The following PANK1 variants were observed in gnomAD, a reference collection of about 807,000 sequenced individuals.
PANK1 encodes the protein pantothenic acid kinase 1.
A neutral mutation model predicts 40.1 loss-of-function variants in PANK1; 18 were observed. The observed-to-expected ratio is 0.45, with a 90% confidence interval of 0.31 to 0.67. PANK1 has a LOEUF of 0.67. Among genes scored for constraint, PANK1 ranks in the 30% least tolerant of loss-of-function variants. The pLI, the probability that PANK1 is intolerant of heterozygous loss-of-function variation, is 0.06. For missense variants in PANK1, 457 were observed against 599.6 expected, an observed-to-expected ratio of 0.76 and a Z score of 2.48; for synonymous variants, 242 against 237.7, an observed-to-expected ratio of 1.02 and a Z score of -0.17.
chr10:89,632,354 C>G (rs528623279), intron 1 of PANK1, among the ~76,000 whole-genome samples: 2 of 152,252 alleles, frequency 1.3e-5, no homozygotes, highest in South Asian at 4.1e-4. Flanking sequence ...CTAGGACAAA[C>G]TTCAGTCTAC....
At chr10:89,595,873 T>TAAAAAA (rs1554837976) in intron 3 of PANK1, among the ~76,000 whole-genome samples, 6 of 81,500 alleles carry the variant, frequency 7.4e-5, no homozygotes. Flanking sequence ...TATATATATA[T>TAAAAAA]AACTTCATTT....
chr10:89,640,175 C>G (rs1841929906), intron 1 of PANK1, among the ~76,000 whole-genome samples: 1 of 151,818 alleles, frequency 6.6e-6, no homozygotes, highest in South Asian at 2.1e-4. Flanking sequence ...TGTAAAAGCA[C>G]ATACAGAACA....
intron 2 of PANK1, among the ~76,000 whole-genome samples, chr10:89,606,196 G>A (rs1268997653): frequency 4.4e-4 from 67 of 152,056 alleles, no homozygotes; most frequent in Non-Finnish European, 1.0e-4. Flanking sequence ...CATGAGCGTC[G>A]GCTTCAACTT....
intron 1 of PANK1, among the ~76,000 whole-genome samples, chr10:89,639,423 T>A (rs1187673141): frequency 6.6e-6 from 1 of 152,198 alleles, no homozygotes; most frequent in Non-Finnish European, 1.5e-5. Flanking sequence ...ATTCAAACCG[T>A]GGTAAATAGT....
intron 2 of PANK1, among the ~76,000 whole-genome samples, chr10:89,609,106 C>T (rs1246755080): frequency 2.0e-5 from 3 of 152,182 alleles, no homozygotes; most frequent in Non-Finnish European, 2.9e-5. Context: ...ACTCTGTCAC[C>T]CAGGCTGGAG....
At chr10:89,612,655 G>T (rs1845196434) in intron 1 of PANK1, among the ~76,000 whole-genome samples, 1 of 152,190 alleles carries the variant, frequency 6.6e-6, no homozygotes, top group African/African-American at 2.4e-5. Context: ...AGTAGACTAT[G>T]AGAGATGATG....
At chr10:89,633,329 C>T (rs910080547) in intron 1 of PANK1, among the ~76,000 whole-genome samples, 18 of 152,136 alleles carry the variant, frequency 1.2e-4, no homozygotes, top group African/African-American at 4.3e-4. Context: ...AATGGTACCC[C>T]TACCACTCTT....
At chr10:89,638,852 G>A (rs1395477776) in intron 1 of PANK1, among the ~76,000 whole-genome samples, 1 of 152,172 alleles carries the variant, frequency 6.6e-6, no homozygotes, top group Non-Finnish European at 1.5e-5. Flanking sequence ...AGGAGATTTA[G>A]ACTTTTACTA....
intron 1 of PANK1, among the ~76,000 whole-genome samples, chr10:89,619,920 T>C (rs1253491630): frequency 3.9e-5 from 6 of 152,182 alleles, no homozygotes; most frequent in Non-Finnish European, 8.8e-5. Context: ...AGAACATAAA[T>C]TGGGAAGATT....
rs1308925395 is a variant in PANK1 at position 89,611,841 on chromosome 10, T to C, written c.500A>G (p.Lys167Arg). 2 of 1,614,076 alleles carry C rather than the reference T, an allele frequency of 1.2e-6. No homozygotes were observed. Among genetic ancestry groups the C allele is most frequent in the Non-Finnish European group, 1.7e-6 (2 of 1,180,046 alleles). ...ELKNLTMCGRKGNLHFIRFPS... is the reference protein window; with the variant it reads ...ELKNLTMCGRRGNLHFIRFPS... Reference sequence around the variant, plus strand: ...AAAGCGGATGAAGTGCAGGTTCCCTTTGCGTCCACACATGGTCAGGTTTTT... The same window carrying C: ...AAAGCGGATGAAGTGCAGGTTCCCTCTGCGTCCACACATGGTCAGGTTTTT... Residue 167 changes from lysine to arginine, a missense_variant, in exon 2 of 7, where the codon AAA (lysine) becomes AGA (arginine). Transcript: ENST00000307534.
chr10:89,614,542 A>C (rs957550785), intron 1 of PANK1, among the ~76,000 whole-genome samples: 22 of 152,208 alleles, frequency 1.4e-4, no homozygotes, highest in Admixed American at 5.2e-4. Context: ...TCACACCTGT[A>C]ATCCTAGCAC....
chr10:89,611,384 C>T (rs1346502766), intron 2 of PANK1, among the ~76,000 whole-genome samples: 1 of 152,204 alleles, frequency 6.6e-6, no homozygotes, highest in Non-Finnish European at 1.5e-5. Flanking sequence ...AACTGAAATA[C>T]TTCAGAAGGG....
In PANK1 at chr10:89,588,840, C is replaced by T. The variant is rs1053934240; in HGVS notation, c.1201-63G>A. Reference sequence around the variant, plus strand: ...ATAAAAATAGCATTTGGCAAAGACCCAATGTTCTGTATGTCTCTGTACAGA... The same window carrying T: ...ATAAAAATAGCATTTGGCAAAGACCTAATGTTCTGTATGTCTCTGTACAGA... On this transcript the variant is annotated intron_variant, in intron 5 of 6. Transcript: ENST00000307534. 3 of 1,262,788 alleles carry T rather than the reference C, an allele frequency of 2.4e-6. No homozygotes were observed. The East Asian group carries it at 7.3e-5, about 31-fold the overall frequency. 78.2% of individuals were successfully genotyped at this position (1,262,788 alleles called of 1,614,324 possible).
At chr10:89,615,743 ATCTAATGCTCT>A (rs1386240992) in intron 1 of PANK1, among the ~76,000 whole-genome samples, 1 of 152,162 alleles carries the variant, frequency 6.6e-6, no homozygotes, top group Non-Finnish European at 1.5e-5. Flanking sequence ...TCCATGAAAA[ATCTAATGCTCT>A]TCTAGTCACA....
At chr10:89,628,998 GTT>G (rs1455127254) in intron 1 of PANK1, among the ~76,000 whole-genome samples, 1 of 152,174 alleles carries the variant, frequency 6.6e-6, no homozygotes, top group Non-Finnish European at 1.5e-5. Flanking sequence ...TGCTGTCAGT[GTT>G]ACTGCAATAT....
intron 1 of PANK1, among the ~76,000 whole-genome samples, chr10:89,622,304 C>T (rs1438037067): frequency 5.3e-5 from 8 of 152,148 alleles, no homozygotes; most frequent in Non-Finnish European, 1.0e-4. Context: ...TGGGTTCTTT[C>T]AAATTAATGT....
In PANK1 at chr10:89,645,205, C is replaced by G; in HGVS notation, c.-314G>C. ...GCCCGCCTTCCCCTGATCCCCAGGC[C>G]GCGCGACTTCAAACGCGGCTTCCTC... On this transcript the variant is annotated 5_prime_UTR_variant, in exon 1 of 7. Transcript: ENST00000307534. 3.8e-6 allele frequency: 6 copies of G among 1,597,214 alleles called. No homozygotes were observed. Among genetic ancestry groups the G allele is most frequent in the Non-Finnish European group, 5.1e-6 (6 of 1,172,954 alleles).
chr10:89,599,261 G>A lies in PANK1; in HGVS notation c.890C>T (p.Thr297Ile), dbSNP rs765842416. Residue 297 changes from threonine (T) to isoleucine (I), a missense_variant, in exon 3 of 7, where the codon ACA becomes ATA. Physicochemically the swap from Thr to Ile is moderately conservative, Grantham distance 89 (BLOSUM62 -1). Around this residue, in one of 4 missense-constraint regions of PANK1, gnomAD observed 286 missense variants for 415.8 expected, o/e 0.69. Transcript: ENST00000307534. The stretch of plus-strand genomic sequence containing the variant: ...GCAGAAACATGTTTACCTGGTCCCT[G>A]TAACTCTTTTATAGTTGTCCTTGGA... ...VYSKDNYKRV[T>I]GTSLGGGTFL... The A allele has an allele frequency of 6.2e-7, 1 of 1,613,802 alleles. No homozygotes were observed. The highest frequency in any genetic ancestry group is 8.5e-7 in the Non-Finnish European group (1 of 1,179,866).
At position 89,644,975 on chromosome 10, in the gene PANK1, A is replaced by G. The variant is rs1842072254; in HGVS notation, c.-84T>C. The stretch of plus-strand genomic sequence containing the variant: ...TTCTCCGGCGTCTTTATTTCCCCGG[A>G]TCCTCCCTGCGGCTTCCGATTCAGC... On this transcript the variant is annotated 5_prime_UTR_variant, in exon 1 of 7. Transcript: ENST00000307534. The G allele has an allele frequency of 4.4e-6, 7 of 1,575,910 alleles. No individual in the cohort carries two copies. The East Asian group carries it at 1.8e-4, about 40-fold the overall frequency.
Sources: allele counts gnomAD v4.1 joint callset (sites outside exome capture counted in the v4.1 genomes callset), GRCh38; gene constraint gnomAD v4.1.1; regional missense constraint gnomAD v4.1.1; transcripts MANE v1.5; gene names NCBI Gene and HGNC (gene_info 2026-07-23, HGNC 2026-07-21).